The following ORC1 variants were observed in gnomAD, a reference collection of about 807,000 sequenced individuals.
ORC1 encodes origin recognition complex, subunit 1 homolog.
Under a neutral mutation model 98.9 loss-of-function variants are expected in ORC1, and 61 were observed. The ratio of observed to expected loss-of-function variants is 0.62; its 90% CI spans 0.50 to 0.76. The LOEUF (loss-of-function observed/expected upper bound fraction) is 0.76, where lower values mean the gene tolerates loss of function less well. ORC1 is among the 30% of genes least tolerant of loss of function. The pLI is 0.00. For missense variants in ORC1, 979 were observed against 1,072.2 expected, an observed-to-expected ratio of 0.91 and a Z score of 1.21; for synonymous variants, 385 against 406.9, an observed-to-expected ratio of 0.95 and a Z score of 0.65.
chr1:52,374,237 C>A (rs1465902586), intron 16 of ORC1, among the ~76,000 whole-genome samples: 1 of 152,180 alleles, frequency 6.6e-6, no homozygotes, highest in Non-Finnish European at 1.5e-5. Flanking sequence ...AATTTACAAC[C>A]AACCCAATAA....
intron 10 of ORC1, 47 bp downstream of exon 10, chr1:52,385,114 C>G (rs1167587245): frequency 8.6e-7 from 1 of 1,156,862 alleles, no homozygotes; most frequent in African/African-American, 1.5e-5. Flanking sequence ...ATTCCACTAG[C>G]AGGGGCCTTA....
Position 52,385,245 on chromosome 1 carries a change from A to T in ORC1, c.1499T>A (p.Val500Glu). The T allele has an allele frequency of 6.2e-7, 1 of 1,612,966 alleles. No homozygotes were observed. The highest frequency in any genetic ancestry group is 8.5e-7 in the Non-Finnish European group (1 of 1,178,870). ...EARLRLHVSA[V>E]PESLPCREQE... ...TTCCCGACAGGGAAGAGACTCAGGT[A>T]CAGCAGAAACATGCAGCCTACCATT... The change falls in exon 10 of 17, where the codon GTA becomes GAA. Residue 500 changes from valine (V) to glutamate (E), a missense_variant. Transcript: ENST00000371568.
At chr1:52,381,837 C>A in intron 13 of ORC1, 76 bp from the exon 14 acceptor site, 1 of 1,481,828 alleles carries the variant, frequency 6.7e-7, no homozygotes, top group East Asian at 2.3e-5. Context: ...CACCCTTGGG[C>A]CCCCAAACCC....
chr1:52,396,358 G>T lies in ORC1; in HGVS notation c.409C>A (p.Pro137Thr). Residue 137 changes from proline (P) to threonine (T), a missense_variant, in exon 5 of 17, where the codon CCT (proline) becomes ACT (threonine). Transcript: ENST00000371568. ...ETIIGLVRVI[P>T]LAPKDVVPTN... ...GGTACCACATCCTTTGGGGCTAAAG[G>T]TATCACCTGAATTTAGGAAGTATAG... 1.9e-6 allele frequency: 3 copies of T among 1,614,060 alleles called. No homozygotes were observed. Among genetic ancestry groups the T allele is most frequent in the Non-Finnish European group, 2.5e-6 (3 of 1,179,984 alleles).
At chr1:52,383,757 C>T in intron 12 of ORC1, 73 bp downstream of exon 12, 1 of 1,395,114 alleles carries the variant, frequency 7.2e-7, no homozygotes, top group Non-Finnish European at 1.0e-6. Context: ...CCAGGACTTT[C>T]CTCCCTCCCA....
chr1:52,395,695 A>T (rs1170639685), intron 5 of ORC1, among the ~76,000 whole-genome samples: 1 of 152,218 alleles, frequency 6.6e-6, no homozygotes. Context: ...ACACACTTGT[A>T]GTCCCAGCTA....
chr1:52,397,672 T>A lies in ORC1; in HGVS notation c.402+13A>T. On this transcript the variant is annotated intron_variant, in intron 4 of 16. Coordinates refer to ENST00000371568, the MANE Select transcript of ORC1 (RefSeq NM_004153.4). ...AGCTTCAAGGTAGAACCAAGGATGG[T>A]GGCATCACCTACCCGAACAAGGCCA... 1 of 1,613,650 alleles carries A rather than the reference T, an allele frequency of 6.2e-7. No individual in the cohort carries two copies. The highest frequency in any genetic ancestry group is 8.5e-7 in the Non-Finnish European group (1 of 1,179,656).
At chr1:52,375,097 T>C (rs1476379217) in intron 15 of ORC1, among the ~76,000 whole-genome samples, 200 bp from the exon 16 acceptor site, 2 of 152,144 alleles carry the variant, frequency 1.3e-5, no homozygotes, top group Non-Finnish European at 2.9e-5. Flanking sequence ...TGAGGAAACA[T>C]AGCAACTACA....
At chr1:52,383,285 G>C (rs1267984828) in intron 13 of ORC1, 135 bp downstream of exon 13, 3 of 956,800 alleles carry the variant, frequency 3.1e-6, no homozygotes, top group Admixed American at 3.5e-5. Context: ...CTGACCTCAA[G>C]TGATCCGCCC....
At chr1:52,399,352 C>T (rs1396196834) in intron 3 of ORC1, among the ~76,000 whole-genome samples, 4 of 151,870 alleles carry the variant, frequency 2.6e-5, no homozygotes, top group Non-Finnish European at 5.9e-5. Flanking sequence ...TGTCCAGGTG[C>T]GGCGGCTCAC....
Position 52,402,183 on chromosome 1 carries a change from T to C in ORC1, c.41A>G (p.Tyr14Cys). Residue 14 changes from tyrosine to cysteine, a missense_variant, in exon 2 of 17, where the codon TAT becomes TGT. Physicochemically the swap from Tyr to Cys is radical, Grantham distance 194. Coordinates refer to ENST00000371568, the MANE Select transcript of ORC1 (RefSeq NM_004153.4). The stretch of plus-strand genomic sequence containing the variant: ...CAACAAGGGCCTGCCAACCCATGAA[T>C]AAGTTTTTCTGGTCTTCAGCCTTGT... ...YPTRLKTRKT[Y>C]SWVGRPLLDR... The C allele has an allele frequency of 6.2e-7, 1 of 1,614,202 alleles. No homozygotes were observed. Among genetic ancestry groups the C allele is most frequent in the Non-Finnish European group, 8.5e-7 (1 of 1,180,026 alleles).
At chr1:52,373,758 A>T in intron 16 of ORC1, among the ~76,000 whole-genome samples, 1 of 152,214 alleles carries the variant, frequency 6.6e-6, no homozygotes, top group East Asian at 1.9e-4. Flanking sequence ...TGAGAGTTTC[A>T]TAATTGAGAC....
intron 6 of ORC1, among the ~76,000 whole-genome samples, chr1:52,392,815 C>A (rs1647250721): frequency 6.6e-6 from 1 of 152,074 alleles, no homozygotes; most frequent in South Asian, 2.1e-4. Context: ...AATGGAAAAC[C>A]AAATATCATA....
In ORC1 at chr1:52,381,643, T is replaced by G. The variant is rs1372992449; in HGVS notation, c.2132A>C (p.Lys711Thr). The G allele has an allele frequency of 1.2e-6, 2 of 1,612,350 alleles. No homozygotes were observed. Among genetic ancestry groups the G allele is most frequent in the African/African-American group, 2.7e-5 (2 of 75,000 alleles). Reference protein sequence around the residue: ...EDDAIQLVARKVAALSGDARR... With the variant: ...EDDAIQLVARTVAALSGDARR... The stretch of plus-strand genomic sequence containing the variant: ...TTATGGGTGCAGCTGGTGACTTACC[T>G]TCCTGGCTACCAGCTGGATGGCATC... Residue 711 changes from lysine (K) to threonine (T), a missense_variant and splice_region_variant, in exon 14 of 17, where the codon AAG becomes ACG. Physicochemically the swap from Lys to Thr is moderately conservative, Grantham distance 78. Transcript: ENST00000371568.
intron 2 of ORC1, 120 bp downstream of exon 2, chr1:52,402,009 A>G: frequency 1.3e-6 from 1 of 798,382 alleles, no homozygotes; most frequent in Non-Finnish European, 2.2e-6. Context: ...CCTTACAATC[A>G]GTTCTAATCT....
Position 52,382,672 on chromosome 1 carries a change from C to T in ORC1, c.2013+748G>A, listed in dbSNP as rs149163005. ...CTGGCTCACCGCAACCTCCGCCTCCCGGGTTCAAGAGATTCTCCTGCCTCA... is the reference window on the plus strand; with the variant it reads ...CTGGCTCACCGCAACCTCCGCCTCCTGGGTTCAAGAGATTCTCCTGCCTCA... On this transcript the variant is annotated intron_variant, in intron 13 of 16. Transcript: ENST00000371568. 4.3e-3 allele frequency among the ~76,000 whole-genome samples: 641 copies of T among 150,024 alleles called. 5 individuals are homozygous for T. The highest frequency in any genetic ancestry group is 0.011 in the African/African-American group (437 of 40,452).
intron 13 of ORC1, among the ~76,000 whole-genome samples, chr1:52,383,061 T>C (rs1439486652): frequency 6.6e-6 from 1 of 152,040 alleles, no homozygotes; most frequent in East Asian, 1.9e-4. Flanking sequence ...ATTTTAGTAT[T>C]CATTTTTGCA....
chr1:52,405,706 G>C (rs1171989274), upstream of ORC1: 1 of 1,613,664 alleles, frequency 6.2e-7, no homozygotes, highest in South Asian at 1.1e-5. Flanking sequence ...TAAAGCCATG[G>C]AGTTAAGGTT....
chr1:52,408,451 GCTTT>G, upstream of ORC1: 1 of 1,406,608 alleles, frequency 7.1e-7, no homozygotes, highest in Non-Finnish European at 1.0e-6. Flanking sequence ...CACAATTGCA[GCTTT>G]CTTACCTGCC....
Sources: gnomAD v4.1 joint callset for allele counts (sites outside exome capture counted in the v4.1 genomes callset) on GRCh38, gnomAD v4.1.1 for gene constraint, MANE v1.5 for transcripts, NCBI Gene and HGNC (gene_info 2026-07-23, HGNC 2026-07-21) for gene names.